The following OR3A2 variants were observed in gnomAD, a reference collection of about 807,000 sequenced individuals.
The protein encoded by OR3A2 is olfactory receptor 3A2.
For synonymous variants in OR3A2, 126 were observed against 159.3 expected, an observed-to-expected ratio of 0.79 and a Z score of 1.57; for missense variants, 318 against 392.8, an observed-to-expected ratio of 0.81 and a Z score of 1.61.
At chr17:3,344,768 T>G (rs899963626) in intron 2 of OR3A2, among the ~76,000 whole-genome samples, 12 of 152,194 alleles carry the variant, frequency 7.9e-5, no homozygotes, top group African/African-American at 2.6e-4. Context: ...GTATACCAAA[T>G]CCTCCAGTTA....
chr17:3,339,744 G>C (rs917771005), intron 2 of OR3A2, among the ~76,000 whole-genome samples: 10 of 151,870 alleles, frequency 6.6e-5, no homozygotes, highest in Non-Finnish European at 1.5e-4. Flanking sequence ...TTTTTTTGTT[G>C]TGTCTCTACC....
intron 2 of OR3A2, among the ~76,000 whole-genome samples, chr17:3,349,766 G>C (rs1248113197): frequency 2.0e-5 from 3 of 151,366 alleles, no homozygotes; most frequent in African/African-American, 7.3e-5. Flanking sequence ...TTCCAAAATT[G>C]ACCACATACT....
chr17:3,371,652 G>A (rs1597362736), intron 2 of OR3A2, among the ~76,000 whole-genome samples: 3 of 127,492 alleles, frequency 2.4e-5, no homozygotes, highest in East Asian at 2.6e-4. Context: ...GCCGGGCAGA[G>A]GCGCCCCTCA....
chr17:3,349,768 C>A (rs1288892608), intron 2 of OR3A2, among the ~76,000 whole-genome samples: 1 of 151,504 alleles, frequency 6.6e-6, no homozygotes, highest in Non-Finnish European at 1.5e-5. Context: ...CCAAAATTGA[C>A]CACATACTTG....
chr17:3,356,334 C>T (rs2049465751), intron 2 of OR3A2, among the ~76,000 whole-genome samples: 1 of 151,238 alleles, frequency 6.6e-6, no homozygotes, highest in African/African-American at 2.4e-5. Context: ...AGTTTTGTAC[C>T]TTCAGATAAT....
In OR3A2 at chr17:3,358,660, G is replaced by A. The variant is rs188565341; in HGVS notation, c.-178-22534C>T. Among the ~76,000 whole-genome samples, 211 of 151,720 alleles carry A rather than the reference G, an allele frequency of 1.4e-3. 11 individuals carry two copies. The highest frequency in any genetic ancestry group is 4.9e-3 in the African/African-American group (200 of 41,094). ...TGAGAGTATGTTTGGTATGGTTTTG[G>A]TTCTATTACATTTGTTGAGGATTAT... is the stretch of plus-strand genomic sequence containing the variant. On this transcript the variant is annotated intron_variant, in intron 2 of 4. Transcript: ENST00000573491.
At chr17:3,342,233 TTTG>T (rs1468336549) in intron 2 of OR3A2, among the ~76,000 whole-genome samples, 3 of 152,178 alleles carry the variant, frequency 2.0e-5, no homozygotes, top group Non-Finnish European at 4.4e-5. Context: ...CTCAGAGAAG[TTTG>T]TTATTACCGA....
At chr17:3,353,157 A>G (rs2049434650) in intron 2 of OR3A2, among the ~76,000 whole-genome samples, 1 of 151,180 alleles carries the variant, frequency 6.6e-6, no homozygotes, top group African/African-American at 2.4e-5. Flanking sequence ...GTTAATTTTA[A>G]TAAGTGTTGC....
chr17:3,324,874 G>A (rs777135033), intron 3 of OR3A2, among the ~76,000 whole-genome samples: 4 of 152,010 alleles, frequency 2.6e-5, no homozygotes, highest in Non-Finnish European at 5.9e-5. Flanking sequence ...TTATGTGAAT[G>A]CATGTATTAA....
intron 2 of OR3A2, among the ~76,000 whole-genome samples, chr17:3,341,520 T>C (rs1401709013): frequency 1.3e-5 from 2 of 152,218 alleles, no homozygotes; most frequent in South Asian, 2.1e-4. Flanking sequence ...CCTTCACTTA[T>C]GAAGCTTAGT....
intron 3 of OR3A2, chr17:3,291,694 T>G: frequency 1.2e-6 from 2 of 1,611,396 alleles, no homozygotes; most frequent in Admixed American, 3.3e-5. Context: ...ACATCAGGGT[T>G]TCTGAAGCTG....
intron 3 of OR3A2, among the ~76,000 whole-genome samples, chr17:3,324,054 TTTC>T (rs1212080237): frequency 6.6e-6 from 1 of 152,080 alleles, no homozygotes; most frequent in Admixed American, 6.5e-5. Flanking sequence ...GCTTTGTTCA[TTTC>T]TTTTTGTTCT....
intron 2 of OR3A2, among the ~76,000 whole-genome samples, chr17:3,362,692 G>A (rs931320495): frequency 6.6e-6 from 1 of 151,542 alleles, no homozygotes; most frequent in Non-Finnish European, 1.5e-5. Flanking sequence ...AGTCATTCAG[G>A]AGCAGATCCA....
intron 1 of OR3A2, among the ~76,000 whole-genome samples, chr17:3,284,057 G>A (rs2150617975): frequency 6.7e-6 from 1 of 148,334 alleles, no homozygotes. Flanking sequence ...AACATGACGA[G>A]GCTCAAGGAC....
chr17:3,325,294 C>G (rs2049162477), intron 3 of OR3A2, among the ~76,000 whole-genome samples: 1 of 150,148 alleles, frequency 6.7e-6, no homozygotes, highest in Admixed American at 6.7e-5. Flanking sequence ...ACTGCAACCT[C>G]CACCTCCCAG....
At chr17:3,374,510 T>G (rs757445097) in intron 2 of OR3A2, among the ~76,000 whole-genome samples, 1 of 152,230 alleles carries the variant, frequency 6.6e-6, no homozygotes, top group African/African-American at 2.4e-5. Flanking sequence ...CTTTGTCAGA[T>G]TGTGTTAATT....
chr17:3,292,379 G>T (rs2048883224), intron 3 of OR3A2: 2 of 1,614,090 alleles, frequency 1.2e-6, no homozygotes, highest in Non-Finnish European at 1.7e-6. Context: ...GCACTGATAG[G>T]TTCCCCAGGA....
intron 2 of OR3A2, among the ~76,000 whole-genome samples, chr17:3,370,330 C>T (rs1450200848): frequency 6.6e-6 from 1 of 152,152 alleles, no homozygotes; most frequent in East Asian, 1.9e-4. Context: ...TCACAGTAGC[C>T]TTGAATGATC....
At chr17:3,344,759 T>C (rs2049348457) in intron 2 of OR3A2, among the ~76,000 whole-genome samples, 1 of 152,118 alleles carries the variant, frequency 6.6e-6, no homozygotes, top group Admixed American at 6.5e-5. Flanking sequence ...GGTCAAGCAG[T>C]ATACCAAATC....
Sources: gnomAD v4.1 joint callset for allele counts (sites outside exome capture counted in the v4.1 genomes callset) on GRCh38, gnomAD v4.1.1 for gene constraint, MANE v1.5 for transcripts, NCBI Gene and HGNC (gene_info 2026-07-23, HGNC 2026-07-21) for gene names.